Variants in MPPED1 observed in about 807,000 individuals in gnomAD.
MPPED1 encodes the protein metallophosphoesterase domain containing 1.
MPPED1 carries 16 observed loss-of-function variants against 36.2 expected under a neutral mutation model. That is an observed-to-expected ratio of 0.44 (90% CI 0.30 to 0.67). MPPED1 has a LOEUF of 0.67. Among genes scored for constraint, MPPED1 ranks in the 30% least tolerant of loss-of-function variants. The pLI, the probability that MPPED1 is intolerant of heterozygous loss-of-function variation, is 0.10. For synonymous variants in MPPED1, 199 were observed against 191.3 expected, an observed-to-expected ratio of 1.04 and a Z score of -0.33; for missense variants, 307 against 453.4, an observed-to-expected ratio of 0.68 and a Z score of 2.93.
intron 3 of MPPED1, among the ~76,000 whole-genome samples, chr22:43,449,580 C>G (rs912561710): frequency 6.6e-6 from 1 of 152,138 alleles, no homozygotes; most frequent in African/African-American, 2.4e-5. Flanking sequence ...TGCCTCGATC[C>G]CCTGCTCGGC....
At chr22:43,420,889 G>T (rs1446452315) in intron 1 of MPPED1, among the ~76,000 whole-genome samples, 1 of 152,154 alleles carries the variant, frequency 6.6e-6, no homozygotes. Flanking sequence ...GCCCTTTCTG[G>T]CACCTGGAAC....
chr22:43,479,228 C>G (rs573942240), intron 4 of MPPED1, among the ~76,000 whole-genome samples: 4 of 152,216 alleles, frequency 2.6e-5, no homozygotes, highest in Non-Finnish European at 4.4e-5. Context: ...CCAGATTTTC[C>G]TTTTCTTCCC....
chr22:43,448,551 C>A (rs911540149), intron 3 of MPPED1, among the ~76,000 whole-genome samples: 1 of 151,928 alleles, frequency 6.6e-6, no homozygotes, highest in African/African-American at 2.4e-5. Context: ...AGGATTCCAA[C>A]CCAAGGTCTA....
chr22:43,498,410 G>T, intron 5 of MPPED1, 60 bp downstream of exon 5: 6 of 1,372,872 alleles, frequency 4.4e-6, no homozygotes, highest in Non-Finnish European at 6.0e-6. Flanking sequence ...GTGGGCTCTG[G>T]GATGGGGGGC....
At chr22:43,497,070 A>T (rs1443129876) in intron 4 of MPPED1, among the ~76,000 whole-genome samples, 16 of 84,530 alleles carry the variant, frequency 1.9e-4, no homozygotes, top group South Asian at 9.6e-4. Flanking sequence ...GTGGTGGTGG[A>T]GGTGGTGGTG....
chr22:43,423,223 G>A (rs374443502), intron 1 of MPPED1, among the ~76,000 whole-genome samples: 22 of 152,294 alleles, frequency 1.4e-4, no homozygotes, highest in Middle Eastern at 3.4e-3. Context: ...AGCCATGCTG[G>A]GGCTTGACCC....
intron 4 of MPPED1, among the ~76,000 whole-genome samples, chr22:43,495,551 GAGA>G (rs1932270755): frequency 4.3e-5 from 5 of 115,164 alleles, no homozygotes; most frequent in Non-Finnish European, 7.6e-5. Context: ...GGTGGTGGTG[GAGA>G]TGGTGGTGGT....
intron 2 of MPPED1, among the ~76,000 whole-genome samples, chr22:43,432,366 GGAGAGAGAAAGGGAGGAGA>G (rs1569067022): frequency 7.9e-5 from 8 of 101,162 alleles, no homozygotes; most frequent in African/African-American, 3.4e-4. Context: ...AGAGAGAAAG[GGAGAGAGAAAGGGAGGAGA>G]GAGAGAGAAA....
chr22:43,500,280 G>GTGGTGATGGTGGTGA (rs1361120492), intron 5 of MPPED1, among the ~76,000 whole-genome samples: 1 of 139,422 alleles, frequency 7.2e-6, no homozygotes, highest in Non-Finnish European at 1.5e-5. Flanking sequence ...GGAGGTGGCG[G>GTGGTGATGGTGGTGA]TGGTGATGGG....
intron 2 of MPPED1, among the ~76,000 whole-genome samples, chr22:43,434,223 C>T (rs1929869641): frequency 1.3e-5 from 2 of 152,248 alleles, no homozygotes; most frequent in Admixed American, 1.3e-4. Context: ...TGTGCAGACC[C>T]AGGCTGTGGA....
At chr22:43,460,831 AG>A (rs1482765189) in intron 3 of MPPED1, among the ~76,000 whole-genome samples, 1 of 152,106 alleles carries the variant, frequency 6.6e-6, no homozygotes, top group Non-Finnish European at 1.5e-5. Flanking sequence ...GTGAGTGATG[AG>A]GGCCCCTTTC....
rs113659201 is a variant in MPPED1 at position 43,473,752 on chromosome 22, T to C, written c.407-984T>C. Among the ~76,000 whole-genome samples the C allele has an allele frequency of 9.0e-3, 1,362 of 152,094 alleles. 19 individuals carry two copies. The highest frequency in any genetic ancestry group is 0.031 in the African/African-American group (1,305 of 41,502). On this transcript the variant is annotated intron_variant, in intron 3 of 6. Transcript: ENST00000443721. ...GTTTACTGAGACCGAACAGCTGTGG[T>C]GGTCTTGCGCCTGCATAGAGCCAGC...
chr22:43,430,173 C>T (rs966304544), intron 2 of MPPED1, among the ~76,000 whole-genome samples: 2 of 152,152 alleles, frequency 1.3e-5, no homozygotes, highest in South Asian at 4.2e-4. Context: ...GCTGTCCCTG[C>T]CTGGACCTTC....
chr22:43,463,948 G>T (rs2146871684), intron 3 of MPPED1, among the ~76,000 whole-genome samples: 1 of 149,534 alleles, frequency 6.7e-6, no homozygotes, highest in East Asian at 2.0e-4. Flanking sequence ...TTGCTCTGTT[G>T]CCCAGGCTGG....
intron 4 of MPPED1, among the ~76,000 whole-genome samples, chr22:43,482,104 C>T (rs905989236): frequency 1.2e-4 from 19 of 152,244 alleles, no homozygotes; most frequent in African/African-American, 4.6e-4. Flanking sequence ...AGGAAGAACT[C>T]AGCTGGTACA....
chr22:43,427,572 G>A (rs1266241963), intron 2 of MPPED1, among the ~76,000 whole-genome samples: 2 of 152,134 alleles, frequency 1.3e-5, no homozygotes, highest in East Asian at 1.9e-4. Context: ...AATGAGAGGG[G>A]GTGATCTACC....
chr22:43,496,224 TGGTGGTGGTGGA>T (rs1275802389), intron 4 of MPPED1, among the ~76,000 whole-genome samples: 2 of 95,246 alleles, frequency 2.1e-5, no homozygotes, highest in Admixed American at 1.0e-4. Flanking sequence ...GTGGTGGAGA[TGGTGGTGGTGGA>T]GGTGGTGGTG....
At chr22:43,492,146 A>T (rs1932125741) in intron 4 of MPPED1, among the ~76,000 whole-genome samples, 1 of 152,024 alleles carries the variant, frequency 6.6e-6, no homozygotes, top group South Asian at 2.1e-4. Flanking sequence ...GGCCCGTTTT[A>T]AGTACTTTAC....
Position 43,417,052 on chromosome 22 carries a change from T to G in MPPED1, c.-79+4894T>G, listed in dbSNP as rs555849550. 96 of 980,412 alleles carry G rather than the reference T, an allele frequency of 9.8e-5. 1 individual carries two copies. In the South Asian group the frequency reaches 4.3e-3, roughly 44 times the overall value. The allele number at this position is 980,412 out of a possible 1,614,324, so 60.7% of individuals were successfully genotyped here. On this transcript the variant is annotated intron_variant, in intron 1 of 6. Transcript: ENST00000443721. ...CTTCATATTCCGAAATAAAAGTACA[T>G]AATTGGAAAATGAAGCGGCAGAGAC...
Sources: gnomAD v4.1 joint callset for allele counts (sites outside exome capture counted in the v4.1 genomes callset) on GRCh38, gnomAD v4.1.1 for gene constraint, MANE v1.5 for transcripts, NCBI Gene and HGNC (gene_info 2026-07-23, HGNC 2026-07-21) for gene names.